Variants in ITGAE observed in about 807,000 individuals in gnomAD.
The protein encoded by ITGAE is integrin subunit alpha E, also known as integrin alpha-E.
In ITGAE, 99 loss-of-function variants were observed where a neutral mutation model predicts 136.5. The observed-to-expected ratio is 0.73, with a 90% CI of 0.62 to 0.86. The LOEUF (loss-of-function observed/expected upper bound fraction) is 0.86, where lower values mean the gene tolerates loss of function less well. ITGAE is among the 40% of genes least tolerant of loss of function. The pLI is 0.00. For missense variants in ITGAE, 1,447 were observed against 1,515.3 expected (o/e 0.95, Z 0.75); for synonymous variants, 613 against 591.8 (o/e 1.04, Z -0.52).
intron 26 of ITGAE, chr17:3,726,353 C>G: frequency 6.6e-7 from 1 of 1,525,174 alleles, no homozygotes; most frequent in African/African-American, 1.4e-5. Flanking sequence ...TCTTACTGCC[C>G]CGAAATGAGA....
At chr17:3,716,543 G>A in intron 30 of ITGAE, 145 bp downstream of exon 30, 2 of 640,590 alleles carry the variant, frequency 3.1e-6, no homozygotes, top group South Asian at 3.8e-5. Context: ...TTGTCTAAAT[G>A]GGGGTGTGCA....
intron 2 of ITGAE, among the ~76,000 whole-genome samples, chr17:3,774,723 C>A (rs1172687862): frequency 1.3e-5 from 2 of 152,228 alleles, no homozygotes; most frequent in South Asian, 2.1e-4. Context: ...TGAGATTACA[C>A]CACTGCACTC....
intron 22 of ITGAE, among the ~76,000 whole-genome samples, 189 bp from the exon 23 acceptor site, chr17:3,731,372 C>G (rs544035595): frequency 1.4e-5 from 2 of 146,466 alleles, no homozygotes; most frequent in East Asian, 4.0e-4. Flanking sequence ...GAGGGAGTCT[C>G]GCTCTGTCAC....
At chr17:3,775,362 T>C (rs1481487175) in intron 2 of ITGAE, among the ~76,000 whole-genome samples, 3 of 152,242 alleles carry the variant, frequency 2.0e-5, no homozygotes, top group East Asian at 3.8e-4. Context: ...GCTTTTAGTA[T>C]TGCATTGCAT....
intron 17 of ITGAE, among the ~76,000 whole-genome samples, chr17:3,746,249 A>G (rs2051711079): frequency 6.6e-6 from 1 of 151,996 alleles, no homozygotes; most frequent in African/African-American, 2.4e-5. Context: ...GAGACAACAA[A>G]GAGAATGGAG....
chr17:3,754,031 G>A (rs2051940611), intron 12 of ITGAE, 106 bp from the exon 13 acceptor site: 1 of 1,308,742 alleles, frequency 7.6e-7, no homozygotes, highest in Non-Finnish European at 1.0e-6. Context: ...CCTGGGGAGG[G>A]GGGCAAAATA....
At chr17:3,801,022 G>C (rs2053246037) in intron 1 of ITGAE, 89 bp downstream of exon 1, 1 of 1,457,266 alleles carries the variant, frequency 6.9e-7, no homozygotes, top group South Asian at 1.1e-5. Flanking sequence ...AGCCCCATCA[G>C]AGACAGACAG....
At chr17:3,796,170 C>CGT (rs71381510) in intron 1 of ITGAE, among the ~76,000 whole-genome samples, 2,989 of 127,020 alleles carry the variant, frequency 0.024, 151 homozygotes, top group African/African-American at 0.076. Context: ...TGTGTGCATC[C>CGT]GTGTGTGTGT....
chr17:3,729,877 G>A (rs1423101020), intron 23 of ITGAE, among the ~76,000 whole-genome samples: 1 of 152,216 alleles, frequency 6.6e-6, no homozygotes, highest in Non-Finnish European at 1.5e-5. Context: ...TTACAGGCGT[G>A]AGCCACTGCG....
rs151087880 is a variant in ITGAE, at chr17:3,791,820, G to C, written c.34+9291C>G. On this transcript the variant is annotated intron_variant, in intron 1 of 30. Transcript: ENST00000263087. ...CCTCAGGTCACATTTTGAGCAGCCA[G>C]GCTTTAAATACCTTGACAACAAAAA... 2.1e-3 allele frequency among the ~76,000 whole-genome samples: 327 copies of C among 152,280 alleles called. 1 individual carries two copies. Among genetic ancestry groups the C allele is most frequent in the Middle Eastern group, 0.014 (4 of 294 alleles).
rs142224121 is a variant in ITGAE at position 3,724,460 on chromosome 17, C to G, written c.3085-716G>C. ...CCCTGTTCAGCTCTCTGGCCTCGCC[C>G]TGCCCCGGGTCCCCAACGCCAAGGG... On this transcript the variant is annotated intron_variant, in intron 26 of 30. Transcript: ENST00000263087. 2.9e-4 allele frequency: 463 copies of G among 1,613,874 alleles called. 1 individual carries two copies. In the African/African-American group the frequency reaches 5.1e-3, roughly 18 times the overall value.
At chr17:3,761,238 C>A in intron 5 of ITGAE, 61 bp from the exon 6 acceptor site, 2 of 1,581,890 alleles carry the variant, frequency 1.3e-6, no homozygotes, top group Admixed American at 1.7e-5. Flanking sequence ...CCTGAGCACG[C>A]TCACACATGG....
rs939478683 is a variant in ITGAE at position 3,799,582 on chromosome 17, G to A, written c.34+1529C>T. 1.3e-5 allele frequency among the ~76,000 whole-genome samples: 2 copies of A among 152,030 alleles called. No individual in the cohort carries two copies. The highest frequency in any genetic ancestry group is 2.9e-5 in the Non-Finnish European group (2 of 68,020). ...TCTATTATCAGTTGCTTGCAAGCCT[G>A]GGTAGTCACTGCCCGCTCTGTGCCC... On this transcript the variant is annotated intron_variant, in intron 1 of 30. Coordinates refer to ENST00000263087, the MANE Select transcript of ITGAE (RefSeq NM_002208.5). The surrounding 1 kb of genome is among the most constrained non-coding windows in gnomAD (Gnocchi z 4.1).
chr17:3,736,487 C>A (rs1019084712), intron 20 of ITGAE, among the ~76,000 whole-genome samples: 1 of 152,176 alleles, frequency 6.6e-6, no homozygotes, highest in Non-Finnish European at 1.5e-5. Flanking sequence ...CTGCTGTGCA[C>A]TGGAGAACAG....
At chr17:3,779,421 G>A (rs925108760) in intron 1 of ITGAE, among the ~76,000 whole-genome samples, 2 of 151,720 alleles carry the variant, frequency 1.3e-5, no homozygotes, top group Admixed American at 6.6e-5. Context: ...TCTGTGTCCC[G>A]GGTTCAAGCG....
At chr17:3,791,698 CT>C (rs1317406893) in intron 1 of ITGAE, among the ~76,000 whole-genome samples, 3 of 152,114 alleles carry the variant, frequency 2.0e-5, no homozygotes, top group African/African-American at 7.2e-5. Context: ...CATCGGAGAT[CT>C]TGTTAAAATG....
intron 1 of ITGAE, among the ~76,000 whole-genome samples, chr17:3,788,515 G>C (rs2052853878): frequency 7.3e-6 from 1 of 137,688 alleles, no homozygotes; most frequent in African/African-American, 2.6e-5. Flanking sequence ...GTTCAAGCTG[G>C]TCTTGAACTC....
At chr17:3,729,594 G>A (rs1567516360) in intron 23 of ITGAE, 39 bp from the exon 24 acceptor site, 1 of 1,267,798 alleles carries the variant, frequency 7.9e-7, no homozygotes, top group Non-Finnish European at 1.2e-6. Context: ...CACCTGCTTT[G>A]TACATAGCAA....
At chr17:3,758,167 T>C (rs994195958) in intron 8 of ITGAE, among the ~76,000 whole-genome samples, 4 of 152,230 alleles carry the variant, frequency 2.6e-5, no homozygotes, top group Non-Finnish European at 4.4e-5. Flanking sequence ...ATGGCACTTA[T>C]CATGTGCCAG....
Sources: gnomAD v4.1 joint callset for allele counts (sites outside exome capture counted in the v4.1 genomes callset) on GRCh38, gnomAD v4.1.1 for gene constraint, Gnocchi (gnomAD v3.1) non-coding constraint, MANE v1.5 for transcripts, NCBI Gene and HGNC (gene_info 2026-07-23, HGNC 2026-07-21) for gene names.